The following MMP26 variants were observed in gnomAD, a reference collection of about 807,000 sequenced individuals.
MMP26 encodes the protein matrix metallopeptidase 26.
MMP26 carries 33 observed loss-of-function variants against 31.0 expected under a neutral mutation model. The observed-to-expected ratio is 1.06, with a 90% CI of 0.81 to 1.42. The LOEUF is 1.42. Among genes scored for constraint, MMP26 ranks in the 40% most tolerant of loss-of-function variants. MMP26 has a pLI of 0.00. For synonymous variants in MMP26, 122 were observed against 114.9 expected, an observed-to-expected ratio of 1.06 and a Z score of -0.40; for missense variants, 347 against 316.1, an observed-to-expected ratio of 1.10 and a Z score of -0.74.
At chr11:4,919,417 A>G (rs1332920707) in intron 2 of MMP26, 1 of 152,220 alleles carries the variant, frequency 6.6e-6, no homozygotes, top group African/African-American at 2.4e-5. Flanking sequence ...CAAGGTATCC[A>G]CTGAGACCCT....
intron 2 of MMP26, among the ~76,000 whole-genome samples, chr11:4,779,923 T>C (rs1329415630): frequency 6.6e-6 from 1 of 152,100 alleles, no homozygotes; most frequent in Non-Finnish European, 1.5e-5. Flanking sequence ...CTGAACTTTG[T>C]ATAAATTGAA....
intron 2 of MMP26, among the ~76,000 whole-genome samples, chr11:4,868,772 C>T (rs1004282602): frequency 6.6e-6 from 1 of 152,050 alleles, no homozygotes; most frequent in Non-Finnish European, 1.5e-5. Flanking sequence ...TAATACTAAG[C>T]CAAAAGAACA....
chr11:4,742,616 T>A (rs966605154), intron 1 of MMP26, among the ~76,000 whole-genome samples: 5 of 152,164 alleles, frequency 3.3e-5, no homozygotes, highest in African/African-American at 1.2e-4. Context: ...TATATATATA[T>A]GAAATTCAGT....
Position 4,947,408 on chromosome 11 carries a change from G to A in MMP26, c.-144-40660G>A, listed in dbSNP as rs556093404. On this transcript the variant is annotated intron_variant, in intron 2 of 7. Transcript: ENST00000380390. Reference sequence around the variant, plus strand: ...TTTCATTTTTTCCTGTAAAATATTAGTAAACGCTGGTCAATTAACTGGAAT... The same window carrying A: ...TTTCATTTTTTCCTGTAAAATATTAATAAACGCTGGTCAATTAACTGGAAT... The A allele has an allele frequency of 6.6e-5, 15 of 225,640 alleles. 2 individuals carry two copies. In the East Asian group the frequency reaches 1.2e-3, roughly 18 times the overall value. 14.0% of individuals were successfully genotyped at this position (225,640 alleles called of 1,614,324 possible).
rs1470041917 is a variant in MMP26, at chr11:4,955,191, G to A, written c.-144-32877G>A. On this transcript the variant is annotated intron_variant, in intron 2 of 7. Coordinates refer to ENST00000380390, the MANE Select transcript of MMP26 (RefSeq NM_021801.5). Reference sequence around the variant, plus strand: ...TGGAGACAGTAGGAATGGGATAATTGGTTTTTCTTGCAATATCTCAAGCTT... The same window carrying A: ...TGGAGACAGTAGGAATGGGATAATTAGTTTTTCTTGCAATATCTCAAGCTT... 1.2e-5 allele frequency: 15 copies of A among 1,295,412 alleles called. 3 individuals are homozygous for A. Among genetic ancestry groups the A allele is most frequent in the Non-Finnish European group, 1.6e-5 (15 of 929,286 alleles). 80.2% of individuals were successfully genotyped at this position (1,295,412 alleles called of 1,614,324 possible).
rs1463369 is a variant in MMP26 at position 4,990,265 on chromosome 11, T to C, written c.321-333T>C. Among the ~76,000 whole-genome samples the C allele has an allele frequency of 8.8e-3, 1,348 of 152,342 alleles. 14 individuals carry two copies. The highest frequency in any genetic ancestry group is 0.035 in the Admixed American group (529 of 15,302). ...GTAGAATGCTATACATTTTAATTTA[T>C]GTAGAATGCTGTATATTTAATTTAA... On this transcript the variant is annotated intron_variant, in intron 4 of 7. Transcript: ENST00000380390.
At position 4,946,780 on chromosome 11, in the gene MMP26, A is replaced by G. The variant is rs756289057; in HGVS notation, c.-144-41288A>G. On this transcript the variant is annotated intron_variant, in intron 2 of 7. Coordinates refer to ENST00000380390, the MANE Select transcript of MMP26 (RefSeq NM_021801.5). ...CTGAGGACTCCAGTACTGAGAATCC[A>G]TGAATGAAGAATTCCTGGGCAAAGC... The G allele has an allele frequency of 6.3e-6, 10 of 1,587,778 alleles. 1 individual carries two copies. The highest frequency in any genetic ancestry group is 4.4e-5 in the South Asian group (4 of 90,300).
intron 1 of MMP26, among the ~76,000 whole-genome samples, chr11:4,734,424 G>T (rs574778422): frequency 2.6e-5 from 4 of 151,910 alleles, no homozygotes; most frequent in Admixed American, 2.6e-4. Context: ...CCTTCTGCTT[G>T]ATTTAGGTTT....
chr11:4,970,095 G>A (rs1359323254), intron 2 of MMP26, among the ~76,000 whole-genome samples: 2 of 151,892 alleles, frequency 1.3e-5, no homozygotes, highest in Non-Finnish European at 2.9e-5. Flanking sequence ...GATCTTATAC[G>A]TTTCATTTTA....
chr11:4,706,992 A>T (rs1847789215), intron 1 of MMP26, among the ~76,000 whole-genome samples: 1 of 152,188 alleles, frequency 6.6e-6, no homozygotes, highest in South Asian at 2.1e-4. Context: ...ATGGACATTT[A>T]GGTTGTTTCC....
intron 2 of MMP26, among the ~76,000 whole-genome samples, chr11:4,967,294 C>T (rs1054540435): frequency 6.6e-6 from 1 of 152,076 alleles, no homozygotes; most frequent in African/African-American, 2.4e-5. Context: ...TTCTTAATCA[C>T]AAAAAAGTCT....
intron 2 of MMP26, among the ~76,000 whole-genome samples, chr11:4,829,040 G>A (rs1849613179): frequency 1.3e-5 from 2 of 152,082 alleles, no homozygotes; most frequent in Non-Finnish European, 2.9e-5. Context: ...AAGGCTTTAG[G>A]AAAATAATAC....
chr11:4,816,808 G>T, intron 2 of MMP26, among the ~76,000 whole-genome samples: 1 of 145,224 alleles, frequency 6.9e-6, no homozygotes, highest in South Asian at 2.2e-4. Context: ...GGTTCACGCC[G>T]TTCTCCTGCC....
intron 1 of MMP26, among the ~76,000 whole-genome samples, chr11:4,754,933 G>A (rs1288601291): frequency 5.9e-5 from 9 of 151,848 alleles, no homozygotes; most frequent in Non-Finnish European, 1.5e-5. Context: ...ACCACAACCT[G>A]TATATCCTAT....
intron 2 of MMP26, among the ~76,000 whole-genome samples, chr11:4,791,702 G>A (rs933829632): frequency 6.6e-6 from 1 of 152,100 alleles, no homozygotes; most frequent in African/African-American, 2.4e-5. Context: ...ATAATTCTTA[G>A]AAAAGTGCAA....
intron 1 of MMP26, among the ~76,000 whole-genome samples, chr11:4,715,182 A>C (rs992285196): frequency 1.3e-5 from 2 of 152,146 alleles, no homozygotes; most frequent in African/African-American, 4.8e-5. Context: ...AGGTATTGGG[A>C]ATATAACGAT....
At chr11:4,938,666 A>G (rs1003139366) in intron 2 of MMP26, among the ~76,000 whole-genome samples, 1 of 152,162 alleles carries the variant, frequency 6.6e-6, no homozygotes, top group East Asian at 1.9e-4. Context: ...TCAATTTTAT[A>G]AAAACTTCTT....
At chr11:4,721,026 A>T (rs563219356) in intron 1 of MMP26, among the ~76,000 whole-genome samples, 9 of 152,346 alleles carry the variant, frequency 5.9e-5, no homozygotes, top group African/African-American at 1.7e-4. Context: ...AGCAAACATG[A>T]TAGACATATT....
At chr11:4,943,496 T>A (rs1846247140) in intron 2 of MMP26, 1 of 456,180 alleles carries the variant, frequency 2.2e-6, no homozygotes, top group African/African-American at 2.0e-5. Context: ...GTTTTTTTAA[T>A]GCTTGGCACC....
Sources: gnomAD v4.1 joint callset for allele counts (sites outside exome capture counted in the v4.1 genomes callset) on GRCh38, gnomAD v4.1.1 for gene constraint, MANE v1.5 for transcripts, NCBI Gene and HGNC (gene_info 2026-07-23, HGNC 2026-07-21) for gene names.